Variants in LRRTM4 observed in about 807,000 individuals in gnomAD.
LRRTM4 encodes leucine-rich repeat transmembrane neuronal protein 4.
Under a neutral mutation model 47.6 loss-of-function variants are expected in LRRTM4, and 25 were observed. That is an observed-to-expected ratio of 0.53 (90% CI 0.38 to 0.73). The LOEUF (loss-of-function observed/expected upper bound fraction) is 0.73. LRRTM4 is among the 30% of genes least tolerant of loss of function. The pLI, the probability that LRRTM4 is intolerant of heterozygous loss-of-function variation, is 0.00. For synonymous variants in LRRTM4, 311 were observed against 269.5 expected (o/e 1.15, Z -1.51); for missense variants, 638 against 713.4 (o/e 0.89, Z 1.20).
chr2:76,956,180 A>C (rs77165664), intron 3 of LRRTM4, among the ~76,000 whole-genome samples: 8,006 of 151,846 alleles, frequency 0.053, 488 homozygotes, highest in East Asian at 0.14. Context: ...GCCTCCAGGA[A>C]AGATCACTTG....
intron 3 of LRRTM4, among the ~76,000 whole-genome samples, chr2:76,908,076 T>C (rs1295955568): frequency 6.6e-6 from 1 of 151,834 alleles, no homozygotes; most frequent in Non-Finnish European, 1.5e-5. Flanking sequence ...TTGATGAACA[T>C]TGATGCAAAA....
chr2:76,873,462 G>A (rs73940080), intron 3 of LRRTM4, among the ~76,000 whole-genome samples: 2,271 of 106,636 alleles, frequency 0.021, 58 homozygotes, highest in African/African-American at 0.12. Flanking sequence ...TATATATAAC[G>A]TGTGTGTGTG....
At chr2:77,109,069 CA>C (rs1265817886) in intron 3 of LRRTM4, among the ~76,000 whole-genome samples, 1 of 152,102 alleles carries the variant, frequency 6.6e-6, no homozygotes, top group Admixed American at 6.5e-5. Flanking sequence ...ACAATAAAGG[CA>C]ATGAATTCCC....
At chr2:76,781,730 G>C (rs1474275634) in intron 3 of LRRTM4, among the ~76,000 whole-genome samples, 1 of 149,768 alleles carries the variant, frequency 6.7e-6, no homozygotes, top group Admixed American at 6.6e-5. Flanking sequence ...CGCTCACGCT[G>C]GGAGCTATAG....
chr2:76,768,744 C>G (rs2104105023), intron 3 of LRRTM4, among the ~76,000 whole-genome samples: 1 of 152,186 alleles, frequency 6.6e-6, no homozygotes, highest in South Asian at 2.1e-4. Context: ...CTCCAAATAT[C>G]TTTCATGCAG....
chr2:77,325,110 A>C (rs1670708369), intron 3 of LRRTM4, among the ~76,000 whole-genome samples: 1 of 152,158 alleles, frequency 6.6e-6, no homozygotes, highest in East Asian at 1.9e-4. Context: ...GAAATTTCTT[A>C]GAAGTGATAT....
intron 3 of LRRTM4, among the ~76,000 whole-genome samples, chr2:76,881,834 A>G (rs944632798): frequency 6.6e-6 from 1 of 152,046 alleles, no homozygotes; most frequent in Non-Finnish European, 1.5e-5. Flanking sequence ...TGATTTATAT[A>G]CTCCATCCTA....
intron 3 of LRRTM4, among the ~76,000 whole-genome samples, chr2:77,426,775 T>C (rs978199678): frequency 6.6e-6 from 1 of 151,290 alleles, no homozygotes; most frequent in Admixed American, 6.6e-5. Context: ...TGTATGTGAG[T>C]ACATAATATG....
At chr2:77,135,977 C>A (rs1432666160) in intron 3 of LRRTM4, among the ~76,000 whole-genome samples, 1 of 151,520 alleles carries the variant, frequency 6.6e-6, no homozygotes, top group Non-Finnish European at 1.5e-5. Flanking sequence ...ACCTAAATAC[C>A]CAATTTAGGA....
intron 3 of LRRTM4, among the ~76,000 whole-genome samples, chr2:76,751,981 A>G (rs1009828350): frequency 2.6e-5 from 4 of 152,198 alleles, no homozygotes; most frequent in African/African-American, 9.6e-5. Flanking sequence ...TTTATTCTAC[A>G]CTTTAACTTA....
chr2:77,033,082 G>GA (rs1339540902), intron 3 of LRRTM4, among the ~76,000 whole-genome samples: 4 of 151,990 alleles, frequency 2.6e-5, no homozygotes, highest in African/African-American at 7.2e-5. Context: ...TTTTAAAGTT[G>GA]AAAAATAGCT....
Position 76,923,481 on chromosome 2 carries a change from G to A in LRRTM4, c.1552-174565C>T, listed in dbSNP as rs13383227. On this transcript the variant is annotated intron_variant, in intron 3 of 3. Coordinates refer to ENST00000409884, the MANE Select transcript of LRRTM4 (RefSeq NM_001134745.3). Reference sequence around the variant, plus strand: ...AAGACAGGGTGTTAATACGCTCATTGCTACTGGGTCCTTTTTCATTTCTGT... The same window carrying A: ...AAGACAGGGTGTTAATACGCTCATTACTACTGGGTCCTTTTTCATTTCTGT... 4.2e-3 allele frequency among the ~76,000 whole-genome samples: 642 copies of A among 152,068 alleles called. 1 individual carries two copies. The highest frequency in any genetic ancestry group is 0.015 in the African/African-American group (621 of 41,530).
intron 3 of LRRTM4, chr2:77,517,243 C>T (rs779109083): frequency 5.6e-5 from 55 of 984,600 alleles, no homozygotes; most frequent in Non-Finnish European, 4.2e-5. Flanking sequence ...AATCAGAAAC[C>T]GGGTCCAAAT....
intron 3 of LRRTM4, among the ~76,000 whole-genome samples, chr2:76,944,075 TTAA>T (rs1329998873): frequency 6.6e-6 from 1 of 152,188 alleles, no homozygotes; most frequent in Non-Finnish European, 1.5e-5. Context: ...ACCTAAGATA[TTAA>T]TGTGACCTGT....
intron 3 of LRRTM4, among the ~76,000 whole-genome samples, chr2:77,173,332 C>T (rs904297230): frequency 6.6e-6 from 1 of 152,122 alleles, no homozygotes; most frequent in Non-Finnish European, 1.5e-5. Context: ...AGAAGGCTTC[C>T]ATTTACTCTT....
intron 3 of LRRTM4, among the ~76,000 whole-genome samples, chr2:76,878,878 TA>T (rs1239467521): frequency 4.1e-5 from 6 of 147,570 alleles, no homozygotes; most frequent in Admixed American, 2.0e-4. Context: ...CATCTAAAAT[TA>T]AAAAAAAAAG....
Position 76,949,871 on chromosome 2 carries a change from A to G in LRRTM4, c.1552-200955T>C, listed in dbSNP as rs115159206. On this transcript the variant is annotated intron_variant, in intron 3 of 3. Transcript: ENST00000409884. The stretch of plus-strand genomic sequence containing the variant: ...CAACAGAGAAGAGGTAAGCAGCATT[A>G]TAATTGACTGGTCAAGATCATAGGC... 3.5e-3 allele frequency among the ~76,000 whole-genome samples: 526 copies of G among 152,132 alleles called. 1 individual carries two copies. Among genetic ancestry groups the G allele is most frequent in the African/African-American group, 0.01 (430 of 41,562 alleles).
intron 3 of LRRTM4, among the ~76,000 whole-genome samples, chr2:76,836,568 T>C (rs976827990): frequency 1.3e-5 from 2 of 152,030 alleles, no homozygotes; most frequent in African/African-American, 4.8e-5. Context: ...TGATGATAAT[T>C]AACAGTTAAT....
At chr2:77,353,783 C>G (rs1398563658) in intron 3 of LRRTM4, among the ~76,000 whole-genome samples, 1 of 152,088 alleles carries the variant, frequency 6.6e-6, no homozygotes, top group African/African-American at 2.4e-5. Flanking sequence ...AATGTACCCC[C>G]AACTGATATG....
Sources: allele counts gnomAD v4.1 joint callset (sites outside exome capture counted in the v4.1 genomes callset), GRCh38; gene constraint gnomAD v4.1.1; transcripts MANE v1.5; gene names NCBI Gene and HGNC (gene_info 2026-07-23, HGNC 2026-07-21).